The following PTPRN2 variants were observed in gnomAD, a reference collection of about 807,000 sequenced individuals.
PTPRN2 encodes protein tyrosine phosphatase receptor type N2.
In PTPRN2, 74 loss-of-function variants were observed where a neutral mutation model predicts 118.8. The ratio of observed to expected loss-of-function variants is 0.62; its 90% confidence interval spans 0.52 to 0.76. The LOEUF (loss-of-function observed/expected upper bound fraction) is 0.76. Ranked by LOEUF, PTPRN2 falls within the 30% of genes least tolerant of loss-of-function variation. The pLI, the probability that PTPRN2 is intolerant of heterozygous loss-of-function variation, is 0.00. For synonymous variants in PTPRN2, 641 were observed against 608.0 expected, an observed-to-expected ratio of 1.05 and a Z score of -0.80; for missense variants, 1,481 against 1,394.4, an observed-to-expected ratio of 1.06 and a Z score of -0.99.
At chr7:158,468,488 C>T (rs1733143) in intron 2 of PTPRN2, among the ~76,000 whole-genome samples, 104,915 of 151,888 alleles carry the variant, frequency 0.69, 36,494 homozygotes, top group Admixed American at 0.78. Context: ...CCCCGCCCCT[C>T]GCCGCCCTCA....
intron 11 of PTPRN2, among the ~76,000 whole-genome samples, chr7:158,035,432 G>A (rs1336505607): frequency 6.6e-6 from 1 of 152,264 alleles, no homozygotes; most frequent in Non-Finnish European, 1.5e-5. Flanking sequence ...CAGAGCTGGG[G>A]CAAAGAGCAG....
At chr7:158,445,674 G>C (rs1817674455) in intron 2 of PTPRN2, among the ~76,000 whole-genome samples, 1 of 152,228 alleles carries the variant, frequency 6.6e-6, no homozygotes. Flanking sequence ...TGCTCATCAA[G>C]GGAACAGCTT....
intron 1 of PTPRN2, among the ~76,000 whole-genome samples, chr7:158,575,881 A>C (rs1828293290): frequency 6.6e-6 from 1 of 152,228 alleles, no homozygotes; most frequent in Non-Finnish European, 1.5e-5. Context: ...TATAATAAAA[A>C]TTTAAAAATA....
intron 12 of PTPRN2, among the ~76,000 whole-genome samples, chr7:157,706,326 C>T (rs945805125): frequency 5.9e-5 from 9 of 151,432 alleles, no homozygotes; most frequent in African/African-American, 9.7e-5. Context: ...CTCCAGATGG[C>T]GGGAACTGAG....
chr7:158,473,571 AG>A (rs1439812532), intron 2 of PTPRN2, among the ~76,000 whole-genome samples: 2 of 152,232 alleles, frequency 1.3e-5, no homozygotes, highest in Admixed American at 1.3e-4. Context: ...CCAAGAAAAG[AG>A]AAGGAAAGGT....
intron 2 of PTPRN2, among the ~76,000 whole-genome samples, chr7:158,389,448 T>C (rs575077193): frequency 5.0e-4 from 76 of 152,358 alleles, no homozygotes; most frequent in African/African-American, 1.7e-3. Flanking sequence ...ATTAATCCTC[T>C]GGTCATTGAA....
At position 157,881,638 on chromosome 7, in the gene PTPRN2, C is replaced by T. The variant is rs762170696; in HGVS notation, c.1788+17035G>A. Among the ~76,000 whole-genome samples the T allele has an allele frequency of 5.3e-5, 8 of 151,978 alleles. No homozygotes were observed. The highest frequency in any genetic ancestry group is 1.2e-4 in the African/African-American group (5 of 41,330). On this transcript the variant is annotated intron_variant, in intron 12 of 22. Coordinates refer to ENST00000389418, the MANE Select transcript of PTPRN2 (RefSeq NM_002847.5). This position sits in a 1 kb window ranked among gnomAD's most constrained non-coding sequence, Gnocchi z 4.7. ...GACTGCAGGGATGCGTCTCTGCCTA[C>T]GAGAAAGGAGAGGATTTCCTGTTTT...
At chr7:158,045,282 C>T (rs746538735) in intron 11 of PTPRN2, among the ~76,000 whole-genome samples, 13 of 152,286 alleles carry the variant, frequency 8.5e-5, no homozygotes, top group East Asian at 1.9e-4. Context: ...GCCCCTCTGT[C>T]GGGAAGCTCC....
At chr7:158,206,450 C>T (rs1453020960) in intron 3 of PTPRN2, among the ~76,000 whole-genome samples, 2 of 151,998 alleles carry the variant, frequency 1.3e-5, no homozygotes, top group African/African-American at 2.4e-5. Context: ...ACCCCATGGG[C>T]CTTGGGTAAG....
intron 1 of PTPRN2, among the ~76,000 whole-genome samples, chr7:158,513,809 T>A (rs12538101): frequency 0.27 from 41,773 of 152,134 alleles, 6,285 homozygotes; most frequent in East Asian, 0.44. Context: ...GCGGGAATGT[T>A]TTGGCCTTTG....
At chr7:157,877,984 G>A (rs535745408) in intron 12 of PTPRN2, among the ~76,000 whole-genome samples, 35 of 152,308 alleles carry the variant, frequency 2.3e-4, no homozygotes, top group Admixed American at 5.9e-4. Flanking sequence ...GGAAAATCCC[G>A]CGTATGTCAG....
At chr7:158,569,450 C>T (rs1440871278) in intron 1 of PTPRN2, among the ~76,000 whole-genome samples, 1 of 152,256 alleles carries the variant, frequency 6.6e-6, no homozygotes, top group Non-Finnish European at 1.5e-5. Flanking sequence ...GACACCCTCC[C>T]CGGGACGTCA....
At chr7:158,333,577 G>C (rs1167495330) in intron 2 of PTPRN2, among the ~76,000 whole-genome samples, 1 of 139,438 alleles carries the variant, frequency 7.2e-6, no homozygotes, top group Non-Finnish European at 1.5e-5. Context: ...AAGAGCTGAT[G>C]CCGGCACACG....
intron 9 of PTPRN2, among the ~76,000 whole-genome samples, chr7:158,119,621 G>C (rs535997186): frequency 5.0e-4 from 76 of 152,122 alleles, no homozygotes; most frequent in African/African-American, 1.6e-3. Flanking sequence ...GAGGGAGAGA[G>C]AGAGAGAGAG....
intron 1 of PTPRN2, among the ~76,000 whole-genome samples, chr7:158,562,753 C>A (rs1033912048): frequency 6.6e-6 from 1 of 152,110 alleles, no homozygotes; most frequent in Non-Finnish European, 1.5e-5. Context: ...CTTGGAAGAC[C>A]GCTGGCCTGA....
intron 1 of PTPRN2, among the ~76,000 whole-genome samples, chr7:158,523,623 G>C (rs1391051318): frequency 2.8e-5 from 4 of 142,828 alleles, no homozygotes; most frequent in Non-Finnish European, 4.6e-5. Context: ...CCCTGGAGTG[G>C]AGTCATCTGC....
chr7:158,149,305 A>T (rs553288234), intron 6 of PTPRN2, among the ~76,000 whole-genome samples: 4 of 152,220 alleles, frequency 2.6e-5, no homozygotes, highest in African/African-American at 9.7e-5. Context: ...CAATGTCATC[A>T]ATGTGTAAAT....
chr7:157,676,701 T>G lies in PTPRN2; in HGVS notation c.2001+6024A>C, dbSNP rs1028462458. Among the ~76,000 whole-genome samples the G allele has an allele frequency of 3.3e-5, 5 of 152,138 alleles. No individual in the cohort carries two copies. The highest frequency in any genetic ancestry group is 1.2e-4 in the African/African-American group (5 of 41,424). On this transcript the variant is annotated intron_variant, in intron 13 of 22. Transcript: ENST00000389418. The surrounding 1 kb of genome is among the most constrained non-coding windows in gnomAD (Gnocchi z 5.6). Reference sequence around the variant, plus strand: ...TTTATCTGCTGCTGACTTTGCCCCCTTGTAAAACAGGGTTGGGAGATAATG... The same window carrying G: ...TTTATCTGCTGCTGACTTTGCCCCCGTGTAAAACAGGGTTGGGAGATAATG...
At chr7:157,790,291 G>A (rs1253272502) in intron 12 of PTPRN2, among the ~76,000 whole-genome samples, 1 of 149,386 alleles carries the variant, frequency 6.7e-6, no homozygotes, top group East Asian at 2.0e-4. Context: ...AATGTGTGTG[G>A]TGTGTGTATG....
Sources: gnomAD v4.1 joint callset for allele counts (sites outside exome capture counted in the v4.1 genomes callset) on GRCh38, gnomAD v4.1.1 for gene constraint, Gnocchi (gnomAD v3.1) non-coding constraint, MANE v1.5 for transcripts, NCBI Gene and HGNC (gene_info 2026-07-23, HGNC 2026-07-21) for gene names.